Variants in NCAM1 observed in about 807,000 individuals in gnomAD.
NCAM1 encodes the protein neural cell adhesion molecule 1.
NCAM1 carries 14 observed loss-of-function variants against 109.8 expected under a neutral mutation model. That is an observed-to-expected ratio of 0.13 (90% CI 0.08 to 0.20). NCAM1 has a LOEUF of 0.20. NCAM1 is among the 10% of genes least tolerant of loss of function. The probability of loss-of-function intolerance (pLI) is 1.00; values close to 1 mark genes in which losing one functional copy is unlikely to be tolerated. For synonymous variants in NCAM1, 418 were observed against 442.9 expected, an observed-to-expected ratio of 0.94 and a Z score of 0.70; for missense variants, 774 against 1,109.9, an observed-to-expected ratio of 0.70 and a Z score of 4.30.
At chr11:113,219,454 G>GT (rs1555114882) in intron 8 of NCAM1, among the ~76,000 whole-genome samples, 1 of 152,208 alleles carries the variant, frequency 6.6e-6, no homozygotes, top group South Asian at 2.1e-4. Flanking sequence ...AGACTTGTGT[G>GT]TAAGACAATA....
chr11:113,240,905 T>G, intron 14 of NCAM1: 5 of 1,430,798 alleles, frequency 3.5e-6, no homozygotes, highest in Non-Finnish European at 4.9e-6. Context: ...TTGCCTAATG[T>G]TATCTCCTTC....
intron 1 of NCAM1, among the ~76,000 whole-genome samples, chr11:113,194,152 T>C (rs1271670695): frequency 2.6e-5 from 4 of 152,140 alleles, no homozygotes; most frequent in African/African-American, 9.7e-5. Flanking sequence ...TTCTGGCTAG[T>C]TGGTTTCTGT....
intron 17 of NCAM1, chr11:113,263,150 G>T (rs1946055613): frequency 5.0e-6 from 6 of 1,205,654 alleles, no homozygotes; most frequent in Non-Finnish European, 6.2e-6. Flanking sequence ...CCTTTTTAAT[G>T]GCAGTAAAAA....
intron 1 of NCAM1, among the ~76,000 whole-genome samples, chr11:113,102,176 G>A (rs1939907047): frequency 6.6e-6 from 1 of 151,966 alleles, no homozygotes; most frequent in Non-Finnish European, 1.5e-5. Context: ...AAGTTCTTTA[G>A]GATTATTATT....
At chr11:113,131,696 T>G (rs1941389410) in intron 1 of NCAM1, among the ~76,000 whole-genome samples, 1 of 152,066 alleles carries the variant, frequency 6.6e-6, no homozygotes, top group Non-Finnish European at 1.5e-5. Context: ...GGATGTCAAA[T>G]CTCTGCTGTC....
rs1946245189 is a variant in NCAM1, at chr11:113,270,574, G to T, written c.2339+179G>T. 11 of 623,130 alleles carry T rather than the reference G, an allele frequency of 1.8e-5. No homozygotes were observed. In the East Asian group the frequency reaches 3.1e-4, roughly 17 times the overall value. 38.6% of individuals were successfully genotyped at this position (623,130 alleles called of 1,614,324 possible). ...GTTTCTCAAAGCATGGTCTTTGGGGGTTACCTGTTTGAAATGTAGACTCTT... is the reference window on the plus strand; with the variant it reads ...GTTTCTCAAAGCATGGTCTTTGGGGTTTACCTGTTTGAAATGTAGACTCTT... On this transcript the variant is annotated intron_variant, in intron 18 of 19. Transcript: ENST00000316851.
chr11:113,229,406 T>A (rs1944938357), intron 9 of NCAM1, among the ~76,000 whole-genome samples: 1 of 152,202 alleles, frequency 6.6e-6, no homozygotes, highest in East Asian at 1.9e-4. Context: ...CCAGTTAGAA[T>A]GGCGATCATT....
At chr11:113,069,087 G>C (rs1044773606) in intron 1 of NCAM1, among the ~76,000 whole-genome samples, 3 of 152,196 alleles carry the variant, frequency 2.0e-5, no homozygotes, top group Admixed American at 2.0e-4. Flanking sequence ...GGACTGCAAA[G>C]ATGAGTAGGA....
chr11:113,107,494 T>C (rs1487325867), intron 1 of NCAM1, among the ~76,000 whole-genome samples: 5 of 152,162 alleles, frequency 3.3e-5, no homozygotes, highest in Non-Finnish European at 7.3e-5. Flanking sequence ...GACTGGGTAC[T>C]TTATAAAGAA....
chr11:113,110,849 C>A (rs1287690956), intron 1 of NCAM1, among the ~76,000 whole-genome samples: 1 of 152,164 alleles, frequency 6.6e-6, no homozygotes, highest in Non-Finnish European at 1.5e-5. Flanking sequence ...GGGATAGGTC[C>A]TTTCCTATTG....
chr11:113,120,332 G>T (rs536771443), intron 1 of NCAM1, among the ~76,000 whole-genome samples: 1 of 152,144 alleles, frequency 6.6e-6, no homozygotes, highest in Non-Finnish European at 1.5e-5. Flanking sequence ...GAAGGTTTCC[G>T]GTAGAAGTAT....
In NCAM1 at chr11:113,205,928, G is replaced by T. The variant is rs533974441; in HGVS notation, c.491-115G>T. 553 of 1,344,966 alleles carry T rather than the reference G, an allele frequency of 4.1e-4. 1 individual carries two copies. Among genetic ancestry groups the T allele is most frequent in the Non-Finnish European group, 5.0e-4 (485 of 963,602 alleles). The allele number at this position is 1,344,966 out of a possible 1,614,324, so 83.3% of individuals were successfully genotyped here. A position where few individuals can be genotyped will look rare whatever the true frequency, so the allele number is the denominator to read the frequency against. ...GCCAGGGACGCATTTTCTTATTTGG[G>T]CTTAAAACCCCACCCTATGATACTG... On this transcript the variant is annotated intron_variant, in intron 4 of 19. Coordinates refer to ENST00000316851, the MANE Select transcript of NCAM1 (RefSeq NM_181351.5).
chr11:113,115,855 T>C (rs1447669019), intron 1 of NCAM1, among the ~76,000 whole-genome samples: 3 of 152,234 alleles, frequency 2.0e-5, no homozygotes, highest in African/African-American at 7.2e-5. Flanking sequence ...TCTTAGTTTT[T>C]AATTGTGGGA....
intron 1 of NCAM1, among the ~76,000 whole-genome samples, chr11:113,139,322 A>AG (rs2136186014): frequency 6.6e-6 from 1 of 152,360 alleles, no homozygotes; most frequent in South Asian, 2.1e-4. Context: ...TCAGTGCTAC[A>AG]GCAGGATGTG....
At chr11:113,041,458 T>C (rs1555079983) in intron 1 of NCAM1, among the ~76,000 whole-genome samples, 1 of 152,120 alleles carries the variant, frequency 6.6e-6, no homozygotes. Flanking sequence ...TTTATAGCCT[T>C]GGGTAGCATG....
At chr11:113,139,675 G>C (rs1555100059) in intron 1 of NCAM1, among the ~76,000 whole-genome samples, 2 of 151,180 alleles carry the variant, frequency 1.3e-5, no homozygotes, top group African/African-American at 4.9e-5. Context: ...TAATCTTTTG[G>C]GTAGAGAAAA....
At chr11:113,161,934 AAACCTTGGCTTGG>A (rs1238670148) in intron 1 of NCAM1, among the ~76,000 whole-genome samples, 1 of 152,116 alleles carries the variant, frequency 6.6e-6, no homozygotes, top group African/African-American at 2.4e-5. Flanking sequence ...TTTTCCCCTG[AAACCTTGGCTTGG>A]ATCGCTTCCT....
intron 1 of NCAM1, among the ~76,000 whole-genome samples, chr11:113,055,408 C>T (rs964677608): frequency 2.6e-5 from 4 of 152,162 alleles, no homozygotes; most frequent in African/African-American, 9.7e-5. Flanking sequence ...TTGGTATTTG[C>T]ACCCAAACCC....
intron 1 of NCAM1, among the ~76,000 whole-genome samples, chr11:113,083,282 A>C (rs945025084): frequency 7.2e-5 from 11 of 152,166 alleles, no homozygotes; most frequent in Non-Finnish European, 1.6e-4. Flanking sequence ...GAAGAGACTC[A>C]ATTTCAGAAA....
Sources: gnomAD v4.1 joint callset for allele counts (sites outside exome capture counted in the v4.1 genomes callset) on GRCh38, gnomAD v4.1.1 for gene constraint, MANE v1.5 for transcripts, NCBI Gene and HGNC (gene_info 2026-07-23, HGNC 2026-07-21) for gene names.